The following STK3 variants were observed in gnomAD, a reference collection of about 807,000 sequenced individuals.
STK3 encodes serine/threonine-protein kinase 3.
In STK3, 41 loss-of-function variants were observed where a neutral mutation model predicts 58.0. That is an observed-to-expected ratio of 0.71 (90% CI 0.55 to 0.92). The LOEUF (loss-of-function observed/expected upper bound fraction) is 0.92. Ranked by LOEUF, STK3 falls within the 40% of genes least tolerant of loss-of-function variation. The pLI is 0.00. For synonymous variants in STK3, 170 were observed against 191.0 expected, an observed-to-expected ratio of 0.89 and a Z score of 0.91; for missense variants, 479 against 602.7, an observed-to-expected ratio of 0.79 and a Z score of 2.15.
At chr8:98,904,212 C>T (rs552847204) in intron 1 of STK3, among the ~76,000 whole-genome samples, 1 of 152,284 alleles carries the variant, frequency 6.6e-6, no homozygotes, top group South Asian at 2.1e-4. Flanking sequence ...TAAAAGGCTG[C>T]TTGCCACTAC....
At chr8:98,889,335 G>A (rs1359026177) in intron 1 of STK3, among the ~76,000 whole-genome samples, 2 of 152,144 alleles carry the variant, frequency 1.3e-5, no homozygotes, top group Admixed American at 6.5e-5. Context: ...CAAGTCTAGG[G>A]TGCCCTGGAA....
intron 3 of STK3, among the ~76,000 whole-genome samples, chr8:98,402,542 G>A (rs1817954258): frequency 6.6e-6 from 1 of 152,208 alleles, no homozygotes; most frequent in South Asian, 2.1e-4. Flanking sequence ...AGCCAGATAG[G>A]TGCTCTCCTC....
intron 1 of STK3, chr8:98,904,595 T>G: frequency 1.7e-6 from 1 of 576,442 alleles, no homozygotes; most frequent in South Asian, 1.4e-5. Context: ...TACCTCCAGT[T>G]TTTAAAAGGC....
chr8:98,887,943 G>C (rs1838052570), intron 1 of STK3, among the ~76,000 whole-genome samples: 1 of 152,214 alleles, frequency 6.6e-6, no homozygotes, highest in Non-Finnish European at 1.5e-5. Context: ...ATGCCAGACA[G>C]TTGGAGACCC....
At chr8:98,454,235 G>A (rs1206441966), downstream of STK3, among the ~76,000 whole-genome samples, 1 of 152,158 alleles carries the variant, frequency 6.6e-6, no homozygotes, top group African/African-American at 2.4e-5. Context: ...CTCCAGCTAC[G>A]TGGTGATGCT....
intron 1 of STK3, among the ~76,000 whole-genome samples, chr8:98,804,230 G>A (rs1282314787): frequency 2.6e-5 from 4 of 152,056 alleles, no homozygotes; most frequent in Non-Finnish European, 4.4e-5. Flanking sequence ...TTGAACTCCT[G>A]GCCTCAAGTG....
At chr8:98,570,070 T>C (rs937524996) in intron 8 of STK3, among the ~76,000 whole-genome samples, 5 of 147,756 alleles carry the variant, frequency 3.4e-5, no homozygotes, top group African/African-American at 1.2e-4. Flanking sequence ...TAAAAATATA[T>C]ATTGTAAAAA....
chr8:98,713,505 G>A (rs370729551), intron 4 of STK3, among the ~76,000 whole-genome samples: 8 of 152,100 alleles, frequency 5.3e-5, no homozygotes, highest in Non-Finnish European at 5.9e-5. Context: ...ACACCTCTAC[G>A]CAAATAAACT....
At chr8:98,486,864 G>C (rs998439180) in intron 10 of STK3, among the ~76,000 whole-genome samples, 16 of 152,150 alleles carry the variant, frequency 1.1e-4, no homozygotes, top group African/African-American at 3.9e-4. Flanking sequence ...AGTTGAGGTG[G>C]CTACTGTCAG....
At chr8:98,836,072 G>A (rs887441806) in intron 3 of STK3, among the ~76,000 whole-genome samples, 1 of 151,988 alleles carries the variant, frequency 6.6e-6, no homozygotes, top group African/African-American at 2.4e-5. Context: ...GCAGTGGTGG[G>A]CGCCTGTAAT....
chr8:98,769,974 T>C (rs1831194225), intron 2 of STK3, among the ~76,000 whole-genome samples: 1 of 152,240 alleles, frequency 6.6e-6, no homozygotes, highest in South Asian at 2.1e-4. Context: ...ACATTTCAAG[T>C]TGAATTCACA....
At chr8:98,819,754 A>G (rs1834769380) in intron 1 of STK3, among the ~76,000 whole-genome samples, 1 of 152,120 alleles carries the variant, frequency 6.6e-6, no homozygotes, top group Non-Finnish European at 1.5e-5. Flanking sequence ...CTATTTAGTC[A>G]ATCTCTCTGA....
Position 98,923,828 on chromosome 8 carries a change from C to CGTGTGTGTGT in STK3, c.-79+18540_-79+18549dup, listed in dbSNP as rs55929161. Among the ~76,000 whole-genome samples, 596 of 144,334 alleles carry CGTGTGTGTGT rather than the reference C, an allele frequency of 4.1e-3. 7 individuals carry two copies. Among genetic ancestry groups the CGTGTGTGTGT allele is most frequent in the African/African-American group, 0.015 (568 of 38,532 alleles). The allele number at this position is 144,334 out of a possible 152,430, so 94.7% of individuals were successfully genotyped here. A position where few individuals can be genotyped will look rare whatever the true frequency, so the allele number is the denominator to read the frequency against. On this transcript the variant is annotated intron_variant, in intron 1 of 1. Transcript: ENST00000519420. The stretch of plus-strand genomic sequence containing the variant: ...TATGCAGGTTACAGTTTTGCAAAAA[C>CGTGTGTGTGT]GTGTGTGTGTGTGTGTGTGTGTGTG...
chr8:98,479,564 C>T (rs759511841), intron 10 of STK3, among the ~76,000 whole-genome samples: 3 of 140,676 alleles, frequency 2.1e-5, no homozygotes, highest in Non-Finnish European at 4.5e-5. Context: ...AAGTTCTTAA[C>T]AGACTAACTC....
intron 1 of STK3, among the ~76,000 whole-genome samples, chr8:98,798,729 A>G (rs1833335747): frequency 6.6e-6 from 1 of 152,224 alleles, no homozygotes; most frequent in African/African-American, 2.4e-5. Context: ...AAGGTGGGGT[A>G]CTTTCAGAAG....
intron 2 of STK3, among the ~76,000 whole-genome samples, chr8:98,768,768 T>C (rs1347079007): frequency 6.6e-6 from 1 of 152,226 alleles, no homozygotes; most frequent in Non-Finnish European, 1.5e-5. Context: ...AGTCTGCCAG[T>C]GAGAAAAACA....
intron 1 of STK3, among the ~76,000 whole-genome samples, chr8:98,909,160 C>CAAACAA (rs1403575464): frequency 6.6e-6 from 1 of 152,136 alleles, no homozygotes; most frequent in African/African-American, 2.4e-5. Flanking sequence ...GACTCTGTCT[C>CAAACAA]AAACAAAAAC....
At chr8:98,861,064 G>C (rs560200185) in intron 3 of STK3, among the ~76,000 whole-genome samples, 2 of 151,706 alleles carry the variant, frequency 1.3e-5, no homozygotes, top group Admixed American at 6.6e-5. Flanking sequence ...TATCCCAAAA[G>C]AAAAAGAAAA....
At chr8:98,658,279 G>A (rs912467188) in intron 6 of STK3, among the ~76,000 whole-genome samples, 1 of 151,922 alleles carries the variant, frequency 6.6e-6, no homozygotes, top group Non-Finnish European at 1.5e-5. Context: ...AATGAGCTTT[G>A]GAGCAAAATA....
Sources: gnomAD v4.1 joint callset for allele counts (sites outside exome capture counted in the v4.1 genomes callset) on GRCh38, gnomAD v4.1.1 for gene constraint, MANE v1.5 for transcripts, NCBI Gene and HGNC (gene_info 2026-07-23, HGNC 2026-07-21) for gene names.